NSMCE2: variants seen among roughly 807,000 people sequenced by gnomAD.
The protein encoded by NSMCE2 is E3 SUMO-protein ligase NSE2.
A neutral mutation model predicts 23.8 loss-of-function variants in NSMCE2; 24 were observed. The ratio of observed to expected loss-of-function variants is 1.01; its 90% CI spans 0.73 to 1.42. The LOEUF is 1.42. NSMCE2 is among the 40% of genes most tolerant of loss of function. The pLI is 0.00. For missense variants in NSMCE2, 284 were observed against 296.5 expected (o/e 0.96, Z 0.31); for synonymous variants, 92 against 94.1 (o/e 0.98, Z 0.13).
intron 5 of NSMCE2, among the ~76,000 whole-genome samples, chr8:125,341,275 C>G (rs1344482499): frequency 6.6e-6 from 1 of 152,170 alleles, no homozygotes; most frequent in Admixed American, 6.5e-5. Flanking sequence ...GCTAGTGACC[C>G]AACAGCATCA....
intron 5 of NSMCE2, among the ~76,000 whole-genome samples, chr8:125,356,623 G>A (rs757457317): frequency 5.9e-5 from 9 of 152,098 alleles, no homozygotes; most frequent in East Asian, 1.9e-4. Context: ...CACCGCAACC[G>A]GCCTTATTGT....
intron 3 of NSMCE2, among the ~76,000 whole-genome samples, chr8:125,120,938 C>G (rs1040526537): frequency 6.6e-6 from 1 of 152,220 alleles, no homozygotes; most frequent in South Asian, 2.1e-4. Context: ...ATTTACCCTT[C>G]CCTCTTCATT....
chr8:125,195,745 C>G (rs557912686), intron 5 of NSMCE2, among the ~76,000 whole-genome samples: 3 of 152,170 alleles, frequency 2.0e-5, no homozygotes, highest in Admixed American at 1.3e-4. Context: ...CTTTATAACT[C>G]TAAAACAAAT....
chr8:125,219,685 C>T (rs1400702158), intron 5 of NSMCE2, among the ~76,000 whole-genome samples: 1 of 152,158 alleles, frequency 6.6e-6, no homozygotes, highest in Non-Finnish European at 1.5e-5. Context: ...AAGCTAGATT[C>T]TCAGAATTCT....
rs144172161 is a variant in NSMCE2, at chr8:125,101,560, C to T, written c.-110-491C>T. ...ATCCCTTTAAAACTGTGAATTCTCC[C>T]CACTTTTCTAGTTGGTTTCAGTGGA... On this transcript the variant is annotated intron_variant, in intron 1 of 7. Coordinates refer to ENST00000287437, the MANE Select transcript of NSMCE2 (RefSeq NM_173685.4). 1.6e-3 allele frequency among the ~76,000 whole-genome samples: 251 copies of T among 152,252 alleles called. 2 individuals are homozygous for T. Among genetic ancestry groups the T allele is most frequent in the African/African-American group, 5.9e-3 (243 of 41,522 alleles).
At chr8:125,193,239 A>G (rs552726747) in intron 5 of NSMCE2, among the ~76,000 whole-genome samples, 2 of 152,332 alleles carry the variant, frequency 1.3e-5, no homozygotes, top group Admixed American at 6.5e-5. Context: ...AAAACCTCCA[A>G]CTTATCACGA....
At chr8:125,245,596 G>GA (rs1563740988) in intron 5 of NSMCE2, among the ~76,000 whole-genome samples, 3 of 151,346 alleles carry the variant, frequency 2.0e-5, no homozygotes, top group Non-Finnish European at 2.9e-5. Flanking sequence ...GCAATGCAAG[G>GA]AAAAATCTAA....
chr8:125,328,764 C>A (rs28502126), intron 5 of NSMCE2, among the ~76,000 whole-genome samples: 4,921 of 152,260 alleles, frequency 0.032, 248 homozygotes, highest in African/African-American at 0.11. Context: ...ATCTGGGTCT[C>A]CACTTTCTGT....
intron 5 of NSMCE2, among the ~76,000 whole-genome samples, chr8:125,257,126 A>C (rs1293839326): frequency 6.7e-6 from 1 of 149,626 alleles, no homozygotes; most frequent in African/African-American, 2.5e-5. Flanking sequence ...TCTACTAAAA[A>C]TACAAAAATT....
chr8:125,314,214 T>A (rs977226106), intron 5 of NSMCE2, among the ~76,000 whole-genome samples: 5 of 152,238 alleles, frequency 3.3e-5, no homozygotes, highest in Non-Finnish European at 7.3e-5. Context: ...GCAAATCCCA[T>A]AAATCAGTAA....
chr8:125,191,283 T>C (rs1483059939), intron 5 of NSMCE2, among the ~76,000 whole-genome samples: 1 of 152,226 alleles, frequency 6.6e-6, no homozygotes, highest in Non-Finnish European at 1.5e-5. Flanking sequence ...ATCCTGATGC[T>C]GAAATTCATA....
At chr8:125,143,488 C>T (rs1297596061) in intron 3 of NSMCE2, among the ~76,000 whole-genome samples, 1 of 152,116 alleles carries the variant, frequency 6.6e-6, no homozygotes, top group Non-Finnish European at 1.5e-5. Flanking sequence ...TAATATTTAT[C>T]AGAGTCTTCT....
chr8:125,301,720 T>C (rs951350502), intron 5 of NSMCE2, among the ~76,000 whole-genome samples: 7 of 148,784 alleles, frequency 4.7e-5, no homozygotes, highest in Non-Finnish European at 1.0e-4. Flanking sequence ...TGGAGTGCAA[T>C]GGCACAGTCT....
intron 4 of NSMCE2, among the ~76,000 whole-genome samples, chr8:125,164,764 T>C (rs889584629): frequency 6.6e-6 from 1 of 152,170 alleles, no homozygotes; most frequent in Admixed American, 6.5e-5. Flanking sequence ...GAAATAAACT[T>C]TTTTCTAGTT....
chr8:125,111,697 G>C (rs1341915656), intron 3 of NSMCE2, among the ~76,000 whole-genome samples: 1 of 152,142 alleles, frequency 6.6e-6, no homozygotes, highest in East Asian at 1.9e-4. Flanking sequence ...CTACTTGGGA[G>C]GCTAAGGCAC....
intron 3 of NSMCE2, 132 bp from the exon 4 acceptor site, chr8:125,151,038 GT>G (rs1053272271): frequency 2.2e-5 from 10 of 446,142 alleles, no homozygotes; most frequent in South Asian, 1.8e-4. Context: ...TTTTGAGGAG[GT>G]TTTTTTAAAA....
chr8:125,128,238 T>C (rs1819601647), intron 3 of NSMCE2, among the ~76,000 whole-genome samples: 1 of 152,204 alleles, frequency 6.6e-6, no homozygotes, highest in Non-Finnish European at 1.5e-5. Flanking sequence ...TGCATTATTC[T>C]CTGGCCATAA....
At chr8:125,230,081 CA>C (rs1400143666) in intron 5 of NSMCE2, among the ~76,000 whole-genome samples, 1 of 152,104 alleles carries the variant, frequency 6.6e-6, no homozygotes, top group Admixed American at 6.5e-5. Context: ...TAGCATATAA[CA>C]CAAATATCTT....
intron 5 of NSMCE2, among the ~76,000 whole-genome samples, chr8:125,218,703 C>T (rs905098271): frequency 1.5e-4 from 23 of 152,198 alleles, no homozygotes; most frequent in Middle Eastern, 3.4e-3. Context: ...TGAGCCACTG[C>T]GCCCGGCCAA....
Sources: gnomAD v4.1 joint callset for allele counts (sites outside exome capture counted in the v4.1 genomes callset) on GRCh38, gnomAD v4.1.1 for gene constraint, MANE v1.5 for transcripts, NCBI Gene and HGNC (gene_info 2026-07-23, HGNC 2026-07-21) for gene names.